Variants in RHOT2 observed in about 807,000 individuals in gnomAD.
RHOT2 encodes the protein ras homolog family member T2.
RHOT2 carries 90 observed loss-of-function variants against 81.6 expected under a neutral mutation model. That is an observed-to-expected ratio of 1.10 (90% CI 0.93 to 1.31). RHOT2 has a LOEUF of 1.31. Among genes scored for constraint, RHOT2 ranks in the 40% most tolerant of loss-of-function variants. The pLI is 0.00. For missense variants in RHOT2, 1,014 were observed against 841.9 expected, an observed-to-expected ratio of 1.20 and a Z score of -2.53; for synonymous variants, 512 against 370.9, an observed-to-expected ratio of 1.38 and a Z score of -4.37.
chr16:669,544 T>C lies in RHOT2; in HGVS notation c.223-9T>C. On this transcript the variant is annotated splice_polypyrimidine_tract_variant and intron_variant, in intron 4 of 18. Transcript: ENST00000315082. ...CCCTGTCACCCACACCTCATCACTG[T>C]TCCCTCAGGCAAACGTGGTGTGTGT... The C allele has an allele frequency of 6.2e-7, 1 of 1,611,454 alleles. No homozygotes were observed. The highest frequency in any genetic ancestry group is 1.1e-5 in the South Asian group (1 of 90,864).
At chr16:671,810 G>GGC in intron 12 of RHOT2, 29 bp downstream of exon 12, 12 of 1,586,030 alleles carry the variant, frequency 7.6e-6, no homozygotes, top group Middle Eastern at 1.7e-4. Context: ...CCCTGCCCCT[G>GGC]CCCCCGCCCC....
At position 673,523 on chromosome 16, in the gene RHOT2, C is replaced by T. The variant is rs751979483; in HGVS notation, c.1774C>T (p.Arg592Trp). Residue 592 changes from arginine (R) to tryptophan (W), a missense_variant, in exon 19 of 19, where the codon CGG (arginine) becomes TGG (tryptophan). Arg to Trp is a moderately radical substitution (Grantham distance 101, BLOSUM62 -3). Transcript: ENST00000315082. The part of the protein sequence containing the change: ...AELHPSSFWL[R>W]GLLGVVGAAV... Reference sequence around the variant, plus strand: ...GCTGCATCCCTCTTCCTTCTGGCTCCGGGGGCTGCTGGGGGTTGTCGGGGC... The same window carrying T: ...GCTGCATCCCTCTTCCTTCTGGCTCTGGGGGCTGCTGGGGGTTGTCGGGGC... The T allele has an allele frequency of 2.3e-5, 37 of 1,612,546 alleles. No individual in the cohort carries two copies. The highest frequency in any genetic ancestry group is 1.1e-4 in the East Asian group (5 of 44,894).
chr16:672,798 C>G lies in RHOT2; in HGVS notation c.1500C>G (p.Ser500=). The change falls in exon 17 of 19, where the codon TCC becomes TCG. Residue 500 remains serine (S), a synonymous_variant. Coordinates refer to ENST00000315082, the MANE Select transcript of RHOT2 (RefSeq NM_138769.3). ...TGTTTGATGGCAGTGACCCAAAGTC[C>G]TTTGCACATTGTGCCAGCGTCTACA... ...CLMFDGSDPK[S]FAHCASVYKH... 6.2e-7 allele frequency: 1 copy of G among 1,612,678 alleles called. No homozygotes were observed. Among genetic ancestry groups the G allele is most frequent in the Non-Finnish European group, 8.5e-7 (1 of 1,179,984 alleles).
At chr16:671,811 CCCCCG>C (rs1567251066) in intron 12 of RHOT2, 30 bp downstream of exon 12, 1 of 1,123,736 alleles carries the variant, frequency 8.9e-7, no homozygotes, top group Non-Finnish European at 1.3e-6. Flanking sequence ...CCTGCCCCTG[CCCCCG>C]CCCCCTCCCC....
chr16:670,378 G>A (rs1422636262), intron 7 of RHOT2, 21 bp downstream of exon 7: 2 of 1,611,160 alleles, frequency 1.2e-6, no homozygotes, highest in African/African-American at 1.3e-5. Context: ...CCCAGGCAGG[G>A]CCGCCTCCTT....
In RHOT2 at chr16:671,753, T is replaced by C. The variant is rs763246627; in HGVS notation, c.926T>C (p.Val309Ala). Reference sequence around the variant, plus strand: ...CTCAACCACCTTGGCTACCAGTTTGTGCAGAGAGTGTTTGAGAAGCACGAC... The same window carrying C: ...CTCAACCACCTTGGCTACCAGTTTGCGCAGAGAGTGTTTGAGAAGCACGAC... ...TELNHLGYQF[V>A]QRVFEKHDQD... Residue 309 changes from valine (V) to alanine (A), a missense_variant, in exon 12 of 19, where the codon GTG (valine) becomes GCG (alanine). Coordinates refer to ENST00000315082, the MANE Select transcript of RHOT2 (RefSeq NM_138769.3). 17 of 1,612,346 alleles carry C rather than the reference T, an allele frequency of 1.1e-5. No individual in the cohort carries two copies. In the South Asian group the frequency reaches 1.8e-4, roughly 17 times the overall value.
At position 672,696 on chromosome 16, in the gene RHOT2, G is replaced by T; in HGVS notation, c.1405-7G>T. The T allele has an allele frequency of 6.2e-7, 1 of 1,612,052 alleles. No individual in the cohort carries two copies. Among genetic ancestry groups the T allele is most frequent in the Non-Finnish European group, 8.5e-7 (1 of 1,179,960 alleles). The stretch of plus-strand genomic sequence containing the variant: ...GGGACCCTTCCTAAGGCCGCTGTCT[G>T]TCCCAGCTCTGTGAGGTGGGCACAG... On this transcript the variant is annotated splice_region_variant and splice_polypyrimidine_tract_variant and intron_variant, in intron 16 of 18. Transcript: ENST00000315082.
intron 15 of RHOT2, 45 bp from the exon 16 acceptor site, chr16:672,444 G>T (rs1227830732): frequency 6.2e-7 from 1 of 1,610,680 alleles, no homozygotes; most frequent in Admixed American, 1.7e-5. Flanking sequence ...AGGGCAATCT[G>T]GGGGGCACTG....
intron 5 of RHOT2, 125 bp from the exon 6 acceptor site, chr16:669,998 C>G: frequency 1.2e-6 from 1 of 855,936 alleles, no homozygotes; most frequent in Non-Finnish European, 1.8e-6. Flanking sequence ...TTCCTGTGGC[C>G]GGGACTTGGG....
chr16:670,430 C>G (rs375828689), intron 7 of RHOT2, 26 bp from the exon 8 acceptor site: 11 of 1,606,240 alleles, frequency 6.8e-6, no homozygotes, highest in Non-Finnish European at 9.4e-6. Flanking sequence ...CGGGGCACTT[C>G]CCTGAGGCTG....
At chr16:668,817 ACCTCC>A in intron 4 of RHOT2, 118 bp downstream of exon 4, 2 of 1,115,646 alleles carry the variant, frequency 1.8e-6, no homozygotes, top group Non-Finnish European at 2.5e-6. Flanking sequence ...TAATTCTGTG[ACCTCC>A]GCACTGAGGG....
intron 12 of RHOT2, 29 bp downstream of exon 12, chr16:671,810 G>GGCCCCGGCCCCCCCCCCCCCC: frequency 6.3e-7 from 1 of 1,586,242 alleles, no homozygotes; most frequent in Admixed American, 1.7e-5. Context: ...CCCTGCCCCT[G>GGCCCCGGCCCCCCCCCCCCCC]CCCCCGCCCC....
At chr16:669,528 C>G (rs2038543165) in intron 4 of RHOT2, 25 bp from the exon 5 acceptor site, 1 of 1,609,988 alleles carries the variant, frequency 6.2e-7, no homozygotes, top group Non-Finnish European at 8.5e-7. Context: ...GCCCTGTCAC[C>G]CACACCTCAT....
chr16:671,353 G>A (rs1265309243), intron 11 of RHOT2, 150 bp downstream of exon 11: 9 of 1,195,146 alleles, frequency 7.5e-6, no homozygotes, highest in Admixed American at 2.6e-5. Context: ...ATCTGGGGTC[G>A]TGCCCTTGCC....
At chr16:671,264 ATC>A in intron 11 of RHOT2, 61 bp downstream of exon 11, 1 of 1,504,352 alleles carries the variant, frequency 6.6e-7, no homozygotes, top group Non-Finnish European at 8.9e-7. Context: ...ACTGCCGACT[ATC>A]TCTCCCCTCC....
Position 670,140 on chromosome 16 carries a change from C to T in RHOT2, c.294C>T (p.Ile98=), listed in dbSNP as rs759629022. ...CTTTTCAGATTCGAACTAAGTGGAT[C>T]CCACTGGTGAATGGGGGGACCACGC... ...ATIEKIRTKW[I]PLVNGGTTQG... is the part of the protein sequence containing the mutation. Residue 98 remains isoleucine, a synonymous_variant, in exon 6 of 19, where the codon ATC becomes ATT. Transcript: ENST00000315082. 5.1e-6 allele frequency: 8 copies of T among 1,580,940 alleles called. No individual in the cohort carries two copies. Among genetic ancestry groups the T allele is most frequent in the South Asian group, 4.6e-5 (4 of 87,340 alleles).
rs117451838 is a variant in RHOT2, at chr16:672,238, G to A, written c.1196-16G>A. 0.011 allele frequency: 17,628 copies of A among 1,611,490 alleles called. 126 individuals are homozygous for A. The highest frequency in any genetic ancestry group is 0.014 in the Non-Finnish European group (16,045 of 1,179,072). ...AGTATCCTGGCAGCTGCCCTAACCC[G>A]TGTCTATCCTCACAGTCACTCGTGA... On this transcript the variant is annotated splice_polypyrimidine_tract_variant and intron_variant, in intron 14 of 18. Transcript: ENST00000315082.
At chr16:668,596 C>T (rs761980161) in intron 3 of RHOT2, 27 bp downstream of exon 3, 1 of 1,609,454 alleles carries the variant, frequency 6.2e-7, no homozygotes, top group Non-Finnish European at 8.5e-7. Context: ...CCCGGGGGCC[C>T]GGCCCGCAGC....
intron 4 of RHOT2, chr16:669,232 T>G (rs773246451): frequency 1.8e-4 from 86 of 491,120 alleles, no homozygotes; most frequent in Middle Eastern, 5.6e-4. Context: ...GTGTCTGTCC[T>G]GAGCCCTCTG....
Sources: allele counts gnomAD v4.1 joint callset, GRCh38; gene constraint gnomAD v4.1.1; transcripts MANE v1.5; gene names NCBI Gene and HGNC (gene_info 2026-07-23, HGNC 2026-07-21).